The following THSD7B variants were observed in gnomAD, a reference collection of about 807,000 sequenced individuals.
THSD7B encodes thrombospondin type-1 domain-containing protein 7B.
Under a neutral mutation model 213.6 loss-of-function variants are expected in THSD7B, and 138 were observed. The ratio of observed to expected loss-of-function variants is 0.65; its 90% CI spans 0.56 to 0.74. THSD7B has a LOEUF of 0.74. Ranked by LOEUF, THSD7B falls within the 30% of genes least tolerant of loss-of-function variation. The pLI is 0.00. For missense variants in THSD7B, 1,931 were observed against 1,991.5 expected, an observed-to-expected ratio of 0.97 and a Z score of 0.58; for synonymous variants, 742 against 687.0, an observed-to-expected ratio of 1.08 and a Z score of -1.25.
rs1558882003 is a variant in THSD7B, at chr2:136,998,916, ACACACACACACACAC to A, written c.140-57503_140-57489del. Among the ~76,000 whole-genome samples the A allele has an allele frequency of 7.4e-3, 638 of 85,788 alleles. 7 individuals are homozygous for A. The highest frequency in any genetic ancestry group is 0.02 in the South Asian group (67 of 3,392). The allele number at this position is 85,788 out of a possible 152,430, so 56.3% of individuals were successfully genotyped here. ...CTCCTTGAATACCCAACAGACACAC[ACACACACACACACAC>A]ACACACACACACACACACACACACA... On this transcript the variant is annotated intron_variant, in intron 2 of 27. Transcript: ENST00000409968.
intron 21 of THSD7B, among the ~76,000 whole-genome samples, chr2:137,647,766 C>G (rs1487360994): frequency 6.6e-6 from 1 of 152,138 alleles, no homozygotes; most frequent in Non-Finnish European, 1.5e-5. Context: ...ACCCCATGAC[C>G]TGTCTGGAAG....
At chr2:137,601,877 A>C (rs765173290) in intron 17 of THSD7B, among the ~76,000 whole-genome samples, 54 of 152,346 alleles carry the variant, frequency 3.5e-4, no homozygotes, top group Non-Finnish European at 6.6e-4. Flanking sequence ...TCAGGAGCCA[A>C]CATCTGTATC....
At chr2:137,009,055 A>T (rs1424900405) in intron 2 of THSD7B, among the ~76,000 whole-genome samples, 2 of 152,152 alleles carry the variant, frequency 1.3e-5, no homozygotes, top group African/African-American at 4.8e-5. Context: ...AAATTCACTA[A>T]CTCTTTGAGG....
At chr2:137,381,006 C>T (rs1451113368) in intron 12 of THSD7B, among the ~76,000 whole-genome samples, 1 of 152,240 alleles carries the variant, frequency 6.6e-6, no homozygotes, top group Non-Finnish European at 1.5e-5. Flanking sequence ...CATGTCAAAA[C>T]TGTCTACAAT....
At chr2:137,029,776 T>C (rs1340317158) in intron 2 of THSD7B, among the ~76,000 whole-genome samples, 2 of 152,182 alleles carry the variant, frequency 1.3e-5, no homozygotes, top group Non-Finnish European at 2.9e-5. Flanking sequence ...TATATCATTA[T>C]GCCGTGATTT....
At chr2:137,506,518 A>C (rs747302343) in intron 15 of THSD7B, among the ~76,000 whole-genome samples, 1 of 152,266 alleles carries the variant, frequency 6.6e-6, no homozygotes, top group African/African-American at 2.4e-5. Flanking sequence ...CCTGCCTGTG[A>C]TTCTCTGTGA....
At chr2:136,818,558 TAAATA>T (rs935273918) in intron 1 of THSD7B, among the ~76,000 whole-genome samples, 2 of 152,070 alleles carry the variant, frequency 1.3e-5, no homozygotes, top group Non-Finnish European at 2.9e-5. Context: ...AAAAAATAAA[TAAATA>T]AAAGAATATG....
At chr2:137,610,673 G>GAC (rs1682271961) in intron 17 of THSD7B, among the ~76,000 whole-genome samples, 1 of 152,102 alleles carries the variant, frequency 6.6e-6, no homozygotes, top group Non-Finnish European at 1.5e-5. Flanking sequence ...ATAGGCTGCA[G>GAC]ACACCAACCT....
intron 12 of THSD7B, among the ~76,000 whole-genome samples, chr2:137,292,961 G>T (rs986653463): frequency 1.3e-5 from 2 of 151,948 alleles, no homozygotes; most frequent in Non-Finnish European, 2.9e-5. Flanking sequence ...TTAGTTTGTG[G>T]AACTATGAAT....
chr2:137,588,884 A>C (rs1681803425), intron 17 of THSD7B, among the ~76,000 whole-genome samples: 1 of 151,802 alleles, frequency 6.6e-6, no homozygotes, highest in South Asian at 2.1e-4. Flanking sequence ...CTCCCAGTGG[A>C]TTTTCCTGCC....
chr2:136,799,606 A>G (rs541047204), intron 1 of THSD7B, among the ~76,000 whole-genome samples: 1 of 152,116 alleles, frequency 6.6e-6, no homozygotes, highest in Admixed American at 6.6e-5. Flanking sequence ...AGAATGTTTG[A>G]CTACACATAC....
At chr2:136,835,839 T>A (rs1217304480) in intron 1 of THSD7B, among the ~76,000 whole-genome samples, 1 of 152,208 alleles carries the variant, frequency 6.6e-6, no homozygotes, top group Non-Finnish European at 1.5e-5. Context: ...GGACTGAATC[T>A]ATCCCTGATA....
chr2:137,623,119 G>T (rs1682553829), intron 20 of THSD7B, among the ~76,000 whole-genome samples: 1 of 152,172 alleles, frequency 6.6e-6, no homozygotes, highest in South Asian at 2.1e-4. Context: ...ACATCAAAAA[G>T]CTTACCTACC....
chr2:137,467,414 A>G (rs1339454499), intron 15 of THSD7B, among the ~76,000 whole-genome samples: 1 of 152,108 alleles, frequency 6.6e-6, no homozygotes, highest in Non-Finnish European at 1.5e-5. Context: ...GTGATTGAGT[A>G]GGTCTGGGGA....
At position 137,165,495 on chromosome 2, in the gene THSD7B, C is replaced by A. The variant is rs192644211; in HGVS notation, c.1525+5127C>A. On this transcript the variant is annotated intron_variant, in intron 6 of 27. Coordinates refer to ENST00000409968, the MANE Select transcript of THSD7B (RefSeq NM_001316349.2). Reference sequence around the variant, plus strand: ...TGTGTGTATTAGGTCTGAGATCCCCCTCAGTCTTGGTGTCTGTCCCATGAT... The same window carrying A: ...TGTGTGTATTAGGTCTGAGATCCCCATCAGTCTTGGTGTCTGTCCCATGAT... Among the ~76,000 whole-genome samples, 7 of 152,162 alleles carry A rather than the reference C, an allele frequency of 4.6e-5. 1 individual carries two copies. The highest frequency in any genetic ancestry group is 4.6e-4 in the Admixed American group (7 of 15,274).
chr2:137,587,600 A>T (rs1471984855), intron 17 of THSD7B, among the ~76,000 whole-genome samples: 1 of 152,162 alleles, frequency 6.6e-6, no homozygotes, highest in East Asian at 1.9e-4. Flanking sequence ...CTGGAGGTCC[A>T]CTCCAAACCC....
chr2:137,477,388 T>C (rs1407900715), intron 15 of THSD7B, among the ~76,000 whole-genome samples: 5 of 152,156 alleles, frequency 3.3e-5, no homozygotes, highest in African/African-American at 9.6e-5. Context: ...GAAGTGTATA[T>C]GTATCTTTAC....
intron 2 of THSD7B, among the ~76,000 whole-genome samples, chr2:136,964,616 A>T (rs1400883641): frequency 6.6e-6 from 1 of 152,084 alleles, no homozygotes; most frequent in East Asian, 1.9e-4. Context: ...TCTCATCCCT[A>T]TGCAAATATT....
intron 15 of THSD7B, among the ~76,000 whole-genome samples, chr2:137,539,284 T>C (rs1194331067): frequency 2.0e-5 from 3 of 151,646 alleles, no homozygotes; most frequent in Non-Finnish European, 4.4e-5. Context: ...ATTCAAATTT[T>C]TTTTTCACGT....
Sources: allele counts gnomAD v4.1 joint callset (sites outside exome capture counted in the v4.1 genomes callset), GRCh38; gene constraint gnomAD v4.1.1; transcripts MANE v1.5; gene names NCBI Gene and HGNC (gene_info 2026-07-23, HGNC 2026-07-21).